Variants in SOX5 observed in about 807,000 individuals in gnomAD.
SOX5 encodes transcription factor SOX-5.
In SOX5, 9 loss-of-function variants were observed where a neutral mutation model predicts 92.0. The observed-to-expected ratio is 0.10, with a 90% CI of 0.06 to 0.17. The LOEUF (loss-of-function observed/expected upper bound fraction) is 0.17, where lower values mean the gene tolerates loss of function less well. SOX5 is among the 10% of genes least tolerant of loss of function. The pLI, the probability that SOX5 is intolerant of heterozygous loss-of-function variation, is 1.00. For synonymous variants in SOX5, 344 were observed against 336.3 expected, an observed-to-expected ratio of 1.02 and a Z score of -0.25; for missense variants, 642 against 944.5, an observed-to-expected ratio of 0.68 and a Z score of 4.20.
intron 4 of SOX5, among the ~76,000 whole-genome samples, chr12:24,108,171 G>A (rs1054296478): frequency 6.6e-6 from 1 of 152,076 alleles, no homozygotes; most frequent in South Asian, 2.1e-4. Flanking sequence ...GCCTTTCACC[G>A]TTTCAGTGAT....
intron 6 of SOX5, among the ~76,000 whole-genome samples, chr12:23,719,657 T>C (rs2092697772): frequency 6.6e-6 from 1 of 151,774 alleles, no homozygotes; most frequent in Non-Finnish European, 1.5e-5. Flanking sequence ...CTCAGGAGGC[T>C]GAGGTGGGAC....
At chr12:24,113,240 A>G (rs1947581360) in intron 4 of SOX5, among the ~76,000 whole-genome samples, 1 of 144,004 alleles carries the variant, frequency 6.9e-6, no homozygotes, top group Admixed American at 7.3e-5. Context: ...ATACTTGCAA[A>G]TATATGTAGA....
chr12:23,590,601 C>A (rs150743959), intron 9 of SOX5, among the ~76,000 whole-genome samples: 1 of 152,010 alleles, frequency 6.6e-6, no homozygotes, highest in African/African-American at 2.4e-5. Flanking sequence ...TAGCACTTAG[C>A]CTACAGTATT....
chr12:24,426,285 G>T (rs1486768778), intron 1 of SOX5, among the ~76,000 whole-genome samples: 1 of 125,140 alleles, frequency 8.0e-6, no homozygotes, highest in Non-Finnish European at 1.6e-5. Flanking sequence ...ACAAGGCGGG[G>T]AACATCACAC....
At chr12:23,746,228 AAG>A (rs2093980285) in intron 4 of SOX5, among the ~76,000 whole-genome samples, 1 of 152,174 alleles carries the variant, frequency 6.6e-6, no homozygotes, top group African/African-American at 2.4e-5. Context: ...AGAAAGTAGC[AAG>A]AGTCACAAGA....
chr12:23,909,942 T>G (rs1028245616), intron 1 of SOX5, among the ~76,000 whole-genome samples: 1 of 152,002 alleles, frequency 6.6e-6, no homozygotes, highest in Non-Finnish European at 1.5e-5. Flanking sequence ...CATCCTCTTT[T>G]TTTTTGTTTT....
intron 1 of SOX5, among the ~76,000 whole-genome samples, chr12:24,555,827 T>C (rs991606328): frequency 6.6e-6 from 1 of 152,230 alleles, no homozygotes; most frequent in South Asian, 2.1e-4. Flanking sequence ...TAAACTGGGC[T>C]ATACTGCCAA....
chr12:23,979,715 T>G (rs1333563072), intron 4 of SOX5, among the ~76,000 whole-genome samples: 33 of 110,600 alleles, frequency 3.0e-4, no homozygotes, highest in Admixed American at 3.9e-4. Context: ...TTGTTTTTTT[T>G]TTTTTTTTTT....
intron 3 of SOX5, among the ~76,000 whole-genome samples, chr12:24,242,936 A>T (rs970841088): frequency 1.3e-5 from 2 of 152,174 alleles, no homozygotes; most frequent in Non-Finnish European, 2.9e-5. Flanking sequence ...TCCAAAGCAA[A>T]TAACAGAACA....
At chr12:24,394,219 G>C (rs1331440379) in intron 1 of SOX5, among the ~76,000 whole-genome samples, 3 of 152,152 alleles carry the variant, frequency 2.0e-5, no homozygotes, top group Non-Finnish European at 4.4e-5. Context: ...GCCATCCCAT[G>C]AGAAGGCGAT....
At chr12:23,888,727 T>G (rs2097097931) in intron 2 of SOX5, among the ~76,000 whole-genome samples, 1 of 152,176 alleles carries the variant, frequency 6.6e-6, no homozygotes, top group South Asian at 2.1e-4. Context: ...CACTTACACT[T>G]AAACACAAGC....
intron 4 of SOX5, among the ~76,000 whole-genome samples, chr12:23,978,488 A>G (rs1263245752): frequency 2.6e-5 from 4 of 152,222 alleles, no homozygotes; most frequent in Admixed American, 6.5e-5. Flanking sequence ...CCTAAATACT[A>G]TCACTGGTTT....
chr12:23,744,285 G>A (rs1228718725), intron 4 of SOX5, among the ~76,000 whole-genome samples: 1 of 152,098 alleles, frequency 6.6e-6, no homozygotes, highest in Admixed American at 6.6e-5. Context: ...TTAACCTCCT[G>A]AGTTCTAAAA....
chr12:23,847,211 G>A (rs975616919), intron 2 of SOX5, among the ~76,000 whole-genome samples: 3 of 151,786 alleles, frequency 2.0e-5, no homozygotes, highest in African/African-American at 7.2e-5. Flanking sequence ...TCACAAAACA[G>A]ACATCTTAAA....
At chr12:24,457,159 G>A (rs539736221) in intron 1 of SOX5, among the ~76,000 whole-genome samples, 22 of 152,132 alleles carry the variant, frequency 1.4e-4, no homozygotes, top group African/African-American at 4.6e-4. Context: ...ATTTTAAAGC[G>A]CAAATCGCTG....
At chr12:23,825,201 C>T (rs1311149456) in intron 3 of SOX5, among the ~76,000 whole-genome samples, 1 of 152,148 alleles carries the variant, frequency 6.6e-6, no homozygotes, top group Non-Finnish European at 1.5e-5. Context: ...GTGCTTGAAA[C>T]CCAGGGCCCT....
chr12:24,238,322 G>A (rs1299014379), intron 3 of SOX5, among the ~76,000 whole-genome samples: 1 of 152,070 alleles, frequency 6.6e-6, no homozygotes, highest in Non-Finnish European at 1.5e-5. Flanking sequence ...TCATCTATAG[G>A]GAGCCATGCT....
chr12:24,087,319 G>A (rs1944118865), intron 4 of SOX5, among the ~76,000 whole-genome samples: 1 of 152,042 alleles, frequency 6.6e-6, no homozygotes, highest in African/African-American at 2.4e-5. Context: ...AAATAGAGAT[G>A]TAATATTTCA....
At chr12:23,857,290 A>C (rs1246066427) in intron 2 of SOX5, among the ~76,000 whole-genome samples, 1 of 152,204 alleles carries the variant, frequency 6.6e-6, no homozygotes, top group Non-Finnish European at 1.5e-5. Context: ...GATTCTATTA[A>C]AGTAGCTTGT....
Sources: allele counts gnomAD v4.1 joint callset (sites outside exome capture counted in the v4.1 genomes callset), GRCh38; gene constraint gnomAD v4.1.1; transcripts MANE v1.5; gene names NCBI Gene and HGNC (gene_info 2026-07-23, HGNC 2026-07-21).